Variants in PVT1 observed in about 807,000 individuals in gnomAD.
PVT1 encodes the protein Pvt1 oncogene.
chr8:127,821,176 C>T (rs1235193548), intron 2 of PVT1, among the ~76,000 whole-genome samples: 1 of 152,116 alleles, frequency 6.6e-6, no homozygotes, highest in South Asian at 2.1e-4. Context: ...CAAGCCCGTC[C>T]GCATTTTTAA....
At chr8:127,850,437 G>A (rs1167410114) in intron 2 of PVT1, among the ~76,000 whole-genome samples, 6 of 152,206 alleles carry the variant, frequency 3.9e-5, no homozygotes, top group East Asian at 1.9e-4. Context: ...ATGATGCCAC[G>A]GCCCTGGTTC....
At chr8:127,937,580 CAGAGAGAGAGAGAG>C (rs1554598547) in intron 3 of PVT1, among the ~76,000 whole-genome samples, 12 of 107,794 alleles carry the variant, frequency 1.1e-4, no homozygotes, top group Non-Finnish European at 2.0e-4. Context: ...CACACACACA[CAGAGAGAGAGAGAG>C]AGAGAGAGAG....
intron 2 of PVT1, among the ~76,000 whole-genome samples, chr8:127,850,910 G>A (rs1219951280): frequency 6.6e-6 from 1 of 151,934 alleles, no homozygotes; most frequent in Non-Finnish European, 1.5e-5. Context: ...GGGAGGCTGA[G>A]GCAGGAGAAT....
chr8:128,051,057 A>G (rs1331038935), intron 4 of PVT1, among the ~76,000 whole-genome samples: 2 of 152,236 alleles, frequency 1.3e-5, no homozygotes, highest in African/African-American at 4.8e-5. Context: ...CACTGGAACC[A>G]TTTATGGGAC....
intron 4 of PVT1, among the ~76,000 whole-genome samples, chr8:128,045,041 T>C (rs1813594813): frequency 1.3e-5 from 2 of 152,252 alleles, no homozygotes; most frequent in South Asian, 2.1e-4. Context: ...GGGGACATGC[T>C]TCCTGGAGTC....
chr8:127,871,815 G>T (rs184297585), intron 2 of PVT1, among the ~76,000 whole-genome samples: 2 of 152,286 alleles, frequency 1.3e-5, no homozygotes, highest in South Asian at 2.1e-4. Context: ...CTGGCTGAGC[G>T]CAGTGGCTCA....
chr8:127,878,958 T>C (rs1815434588), intron 2 of PVT1, among the ~76,000 whole-genome samples: 1 of 152,200 alleles, frequency 6.6e-6, no homozygotes, highest in Admixed American at 6.5e-5. Flanking sequence ...AGACACATTA[T>C]CTACTCTGAC....
intron 3 of PVT1, among the ~76,000 whole-genome samples, chr8:127,963,608 C>G (rs1816671357): frequency 6.6e-6 from 1 of 151,588 alleles, no homozygotes; most frequent in Admixed American, 6.6e-5. Flanking sequence ...GCAGCATTTA[C>G]AAATATTGAA....
At chr8:127,838,059 G>A (rs1018645009) in intron 2 of PVT1, among the ~76,000 whole-genome samples, 4 of 151,752 alleles carry the variant, frequency 2.6e-5, no homozygotes, top group African/African-American at 4.8e-5. Flanking sequence ...CACCATGCCC[G>A]GCTAATTTTG....
At chr8:128,003,609 G>A (rs1248930431) in intron 4 of PVT1, among the ~76,000 whole-genome samples, 4 of 152,186 alleles carry the variant, frequency 2.6e-5, no homozygotes, top group Admixed American at 6.5e-5. Flanking sequence ...CTGGGATTAC[G>A]GGTGTGCGCC....
At chr8:127,806,292 T>C (rs1258060167) in intron 2 of PVT1, among the ~76,000 whole-genome samples, 1 of 151,962 alleles carries the variant, frequency 6.6e-6, no homozygotes, top group Admixed American at 6.6e-5. Context: ...AAAACCTCAT[T>C]TCTACTAAAA....
intron 2 of PVT1, among the ~76,000 whole-genome samples, chr8:127,834,733 C>A (rs1046615113): frequency 2.6e-5 from 4 of 152,130 alleles, no homozygotes; most frequent in African/African-American, 7.2e-5. Flanking sequence ...AAAAAACAAA[C>A]AAACAAACAA....
intron 3 of PVT1, among the ~76,000 whole-genome samples, chr8:127,896,754 A>G (rs1230739512): frequency 6.8e-6 from 1 of 147,298 alleles, no homozygotes; most frequent in East Asian, 2.0e-4. Flanking sequence ...TGCATTAGCT[A>G]TTTTTCCTGA....
At chr8:127,831,473 G>A (rs1814850315) in intron 2 of PVT1, among the ~76,000 whole-genome samples, 1 of 152,112 alleles carries the variant, frequency 6.6e-6, no homozygotes, top group Non-Finnish European at 1.5e-5. Context: ...TAGGTACTTG[G>A]CAAAGTGAGT....
chr8:127,820,942 C>T (rs536993049), intron 2 of PVT1, among the ~76,000 whole-genome samples: 1 of 152,220 alleles, frequency 6.6e-6, no homozygotes, highest in African/African-American at 2.4e-5. Context: ...GTCCTGGCCT[C>T]AAGTGATCCG....
chr8:127,996,130 C>T (rs1340821369), intron 4 of PVT1, among the ~76,000 whole-genome samples: 3 of 152,124 alleles, frequency 2.0e-5, no homozygotes, highest in Non-Finnish European at 4.4e-5. Flanking sequence ...CTCTTGGGAT[C>T]CAGGTTTATT....
chr8:127,870,339 G>C (rs530968280), intron 2 of PVT1, among the ~76,000 whole-genome samples: 1 of 152,306 alleles, frequency 6.6e-6, no homozygotes, highest in South Asian at 2.1e-4. Context: ...AAAGAGGCAA[G>C]GAAGGATCTT....
rs139025737 is a variant in PVT1 at position 128,036,028 on chromosome 8, C to T, written n.913-34132C>T. ...AGTTTGCGATGATTTGTTACAGCAG[C>T]GAGAGGAACTAATACAATGTGTCCT... On this transcript the variant is annotated intron_variant and non_coding_transcript_variant, in intron 4 of 10. Transcript: ENST00000651587. Among the ~76,000 whole-genome samples the T allele has an allele frequency of 1.9e-3, 284 of 152,250 alleles. 1 individual carries two copies. Among genetic ancestry groups the T allele is most frequent in the African/African-American group, 5.8e-3 (239 of 41,538 alleles).
At chr8:127,961,549 G>T (rs1262018633) in intron 3 of PVT1, among the ~76,000 whole-genome samples, 1 of 152,188 alleles carries the variant, frequency 6.6e-6, no homozygotes, top group Non-Finnish European at 1.5e-5. Flanking sequence ...AGCATCTAAG[G>T]TAAGTGAGGG....
Sources: gnomAD v4.1 joint callset for allele counts (sites outside exome capture counted in the v4.1 genomes callset) on GRCh38, gnomAD v4.1.1 for gene constraint, MANE v1.5 for transcripts, NCBI Gene and HGNC (gene_info 2026-07-23, HGNC 2026-07-21) for gene names.